The following ANKAR variants were observed in gnomAD, a reference collection of about 807,000 sequenced individuals.
ANKAR encodes the protein ankyrin and armadillo repeat containing, also known as ankyrin and armadillo repeat-containing protein.
Under a neutral mutation model 146.2 loss-of-function variants are expected in ANKAR, and 136 were observed. The observed-to-expected ratio is 0.93, with a 90% CI of 0.81 to 1.07. ANKAR has a LOEUF of 1.07. Ranked by LOEUF, ANKAR falls within the 50% of genes least tolerant of loss-of-function variation. The probability of loss-of-function intolerance (pLI) is 0.00; values close to 1 mark genes in which losing one functional copy is unlikely to be tolerated. For missense variants in ANKAR, 1,567 were observed against 1,679.9 expected (o/e 0.93, Z 1.18); for synonymous variants, 500 against 575.8 (o/e 0.87, Z 1.88).
intron 18 of ANKAR, among the ~76,000 whole-genome samples, chr2:189,751,694 C>T (rs1206498259): frequency 3.3e-5 from 5 of 151,650 alleles, no homozygotes; most frequent in African/African-American, 1.2e-4. Flanking sequence ...ATCTGCCCAC[C>T]TCAGCCTCCC....
chr2:189,759,063 C>G (rs1318051265), intron 18 of ANKAR, among the ~76,000 whole-genome samples: 1 of 152,158 alleles, frequency 6.6e-6, no homozygotes, highest in Non-Finnish European at 1.5e-5. Flanking sequence ...CCTTGTAGGT[C>G]TAGACATCAT....
At chr2:189,704,595 AT>A (rs869127321) in intron 7 of ANKAR, among the ~76,000 whole-genome samples, 16 of 100,928 alleles carry the variant, frequency 1.6e-4, no homozygotes, top group African/African-American at 2.5e-4. Context: ...ATATATATAT[AT>A]AATTTTAATT....
At chr2:189,759,291 C>T (rs74381898) in intron 18 of ANKAR, among the ~76,000 whole-genome samples, 20 of 152,100 alleles carry the variant, frequency 1.3e-4, no homozygotes, top group South Asian at 1.2e-3. Context: ...CTCTGTCGCC[C>T]GGGCTGGAGT....
intron 18 of ANKAR, chr2:189,754,938 A>G: frequency 2.0e-6 from 1 of 504,844 alleles, no homozygotes; most frequent in Non-Finnish European, 3.4e-6. Flanking sequence ...TGTATCTGCA[A>G]ACTATTTCAG....
intron 18 of ANKAR, among the ~76,000 whole-genome samples, chr2:189,757,220 G>A (rs2046211490): frequency 6.6e-6 from 1 of 152,194 alleles, no homozygotes; most frequent in South Asian, 2.1e-4. Flanking sequence ...TCAGTGAGAA[G>A]GGAGAGGAAA....
At position 189,726,694 on chromosome 2, in the gene ANKAR, A is replaced by G. The variant is rs529619019; in HGVS notation, c.2636-1162A>G. Among the ~76,000 whole-genome samples the G allele has an allele frequency of 1.1e-4, 17 of 152,312 alleles. No individual in the cohort carries two copies. In the East Asian group the frequency reaches 3.1e-3, roughly 28 times the overall value. The stretch of plus-strand genomic sequence containing the variant: ...TGTACTGGAAGAAAGTAAATGTGAT[A>G]AAGGACATTACTAGGAAAATCAACA... On this transcript the variant is annotated intron_variant, in intron 12 of 22. Coordinates refer to ENST00000684021, the MANE Select transcript of ANKAR (RefSeq NM_001378068.1).
At chr2:189,718,314 C>A (rs61693064) in intron 10 of ANKAR, among the ~76,000 whole-genome samples, 12 of 55,230 alleles carry the variant, frequency 2.2e-4, no homozygotes, top group East Asian at 6.4e-4. Context: ...ATCTATATAT[C>A]TATCTGTCTG....
chr2:189,692,298 T>C lies in ANKAR; in HGVS notation c.1083T>C (p.Tyr361=). 1 of 1,613,254 alleles carries C rather than the reference T, an allele frequency of 6.2e-7. No individual in the cohort carries two copies. Among genetic ancestry groups the C allele is most frequent in the East Asian group, 2.2e-5 (1 of 44,804 alleles). Residue 361 remains tyrosine (Y), a synonymous_variant, in exon 4 of 23, where the codon TAT becomes TAC. Transcript: ENST00000684021. ...KTERELPPFI[Y]GRDFKCQNFH... Reference sequence around the variant, plus strand: ...AGCGAGAATTGCCTCCATTTATTTATGGAAGAGATTTTAAATGCCAGAATT... The same window carrying C: ...AGCGAGAATTGCCTCCATTTATTTACGGAAGAGATTTTAAATGCCAGAATT...
At chr2:189,718,628 T>G (rs896524004) in intron 10 of ANKAR, among the ~76,000 whole-genome samples, 2 of 152,314 alleles carry the variant, frequency 1.3e-5, no homozygotes, top group East Asian at 3.9e-4. Context: ...AATAAGGTCT[T>G]TATTATATCT....
In ANKAR at chr2:189,746,572, T is replaced by C. The variant is rs952096289; in HGVS notation, c.4250T>C (p.Leu1417Ser). The C allele has an allele frequency of 6.2e-7, 1 of 1,613,268 alleles. No individual in the cohort carries two copies. The highest frequency in any genetic ancestry group is 1.3e-5 in the African/African-American group (1 of 75,026). The change falls in exon 23 of 23, where the codon TTG becomes TCG. Residue 1417 changes from leucine (L) to serine (S), a missense_variant. Coordinates refer to ENST00000684021, the MANE Select transcript of ANKAR (RefSeq NM_001378068.1). ...TNVSRPRIVC[L>S]NQLGKHVQKA... ...GTATCAAGACCAAGAATAGTGTGTTTGAACCAACTTGGGAAACATGTCCAG... is the reference window on the plus strand; with the variant it reads ...GTATCAAGACCAAGAATAGTGTGTTCGAACCAACTTGGGAAACATGTCCAG...
At chr2:189,698,246 T>G (rs1415351113) in intron 7 of ANKAR, among the ~76,000 whole-genome samples, 1 of 152,214 alleles carries the variant, frequency 6.6e-6, no homozygotes, top group African/African-American at 2.4e-5. Context: ...TGTATTCATT[T>G]TGAAGCATAA....
chr2:189,701,045 A>G (rs1422794806), intron 7 of ANKAR, among the ~76,000 whole-genome samples: 1 of 152,168 alleles, frequency 6.6e-6, no homozygotes, highest in East Asian at 1.9e-4. Context: ...TGAAAACGAT[A>G]TGCCTCGGTG....
intron 17 of ANKAR, among the ~76,000 whole-genome samples, chr2:189,736,573 T>C (rs1334786836): frequency 7.1e-6 from 1 of 141,650 alleles, no homozygotes; most frequent in Non-Finnish European, 1.5e-5. Context: ...TTCAAATATA[T>C]ATAAAATGAC....
intron 9 of ANKAR, among the ~76,000 whole-genome samples, chr2:189,708,695 C>A (rs2039289102): frequency 6.6e-6 from 1 of 152,166 alleles, no homozygotes; most frequent in South Asian, 2.1e-4. Flanking sequence ...TTTCAACTTA[C>A]AATGGGTTTA....
At chr2:189,695,201 A>G in intron 6 of ANKAR, 40 bp downstream of exon 6, 1 of 1,478,224 alleles carries the variant, frequency 6.8e-7, no homozygotes, top group Non-Finnish European at 9.1e-7. Context: ...ATATGAAGTT[A>G]TGTATTATTG....
At chr2:189,741,532 C>A in intron 20 of ANKAR, 81 bp downstream of exon 20, 1 of 918,990 alleles carries the variant, frequency 1.1e-6, no homozygotes, top group Non-Finnish European at 1.6e-6. Context: ...CTAATTTTTC[C>A]ACTGATTGAC....
intron 18 of ANKAR, chr2:189,755,259 A>G (rs2106013646): frequency 6.2e-7 from 1 of 1,613,640 alleles, no homozygotes; most frequent in East Asian, 2.2e-5. Context: ...GCCAACAGAC[A>G]GTGACCTCCA....
rs753120856 is a variant in ANKAR, at chr2:189,705,119, G to C, written c.1805G>C (p.Arg602Thr). The change falls in exon 8 of 23, where the codon AGA becomes ACA. Residue 602 changes from arginine to threonine, a missense_variant. By Grantham distance (71) the Arg-to-Thr change is moderately conservative. Coordinates refer to ENST00000684021, the MANE Select transcript of ANKAR (RefSeq NM_001378068.1). Reference sequence around the variant, plus strand: ...GCTGATTACACGCTTTCTGAAAAAAGAGGCTGGATGCCGATTCACTTTGCC... The same window carrying C: ...GCTGATTACACGCTTTCTGAAAAAACAGGCTGGATGCCGATTCACTTTGCC... ...SKADYTLSEK[R>T]GWMPIHFAAF... The C allele has an allele frequency of 1.9e-6, 3 of 1,614,098 alleles. No homozygotes were observed. In the South Asian group the frequency reaches 3.3e-5, roughly 18 times the overall value.
At chr2:189,712,103 G>A (rs2039777058) in intron 10 of ANKAR, among the ~76,000 whole-genome samples, 1 of 152,192 alleles carries the variant, frequency 6.6e-6, no homozygotes. Context: ...AGCTTGAACT[G>A]GGCAGAGCCC....
Sources: gnomAD v4.1 joint callset for allele counts (sites outside exome capture counted in the v4.1 genomes callset) on GRCh38, gnomAD v4.1.1 for gene constraint, MANE v1.5 for transcripts, NCBI Gene and HGNC (gene_info 2026-07-23, HGNC 2026-07-21) for gene names.